The following GPHN variants were observed in gnomAD, a reference collection of about 807,000 sequenced individuals.
The protein encoded by GPHN is gephyrin.
A neutral mutation model predicts 95.5 loss-of-function variants in GPHN; 17 were observed. The observed-to-expected ratio is 0.18, with a 90% CI of 0.12 to 0.27. GPHN has a LOEUF of 0.27. GPHN is among the 10% of genes least tolerant of loss of function. The pLI is 1.00. For synonymous variants in GPHN, 320 were observed against 322.5 expected (o/e 0.99, Z 0.08); for missense variants, 660 against 978.1 (o/e 0.67, Z 4.34).
In GPHN at chr14:67,150,465, A is replaced by C. The variant is rs920767154; in HGVS notation, c.1836+7016A>C. On this transcript the variant is annotated intron_variant, in intron 18 of 22. Coordinates refer to ENST00000478722, the MANE Select transcript of GPHN (RefSeq NM_020806.5). ...CAAAAAAAAAAAACAAAAAAAAAAA[A>C]AAAAAAAACATTGTAAGGTTTTCAG... Among the ~76,000 whole-genome samples, 25 of 150,178 alleles carry C rather than the reference A, an allele frequency of 1.7e-4. 1 individual carries two copies. The highest frequency in any genetic ancestry group is 1.5e-3 in the Admixed American group (23 of 15,070).
chr14:66,653,600 C>T (rs2065160680), intron 1 of GPHN, among the ~76,000 whole-genome samples: 1 of 152,166 alleles, frequency 6.6e-6, no homozygotes, highest in Admixed American at 6.5e-5. Context: ...CCCCATCTCC[C>T]ACCTGAACTC....
At chr14:66,520,205 A>C (rs905261246) in intron 1 of GPHN, among the ~76,000 whole-genome samples, 3 of 152,100 alleles carry the variant, frequency 2.0e-5, no homozygotes, top group Admixed American at 2.0e-4. Flanking sequence ...CAAGTTTATA[A>C]GTTTTTTATA....
intron 3 of GPHN, among the ~76,000 whole-genome samples, chr14:66,796,475 G>T (rs2060161671): frequency 6.6e-6 from 1 of 152,114 alleles, no homozygotes; most frequent in East Asian, 1.9e-4. Flanking sequence ...CCCACCAGTA[G>T]TGTACAAGGG....
chr14:66,595,757 G>C (rs770509386), intron 1 of GPHN, among the ~76,000 whole-genome samples: 5 of 150,990 alleles, frequency 3.3e-5, no homozygotes, highest in Non-Finnish European at 7.3e-5. Context: ...GAGCTCTTAA[G>C]TCTGGGCTCC....
the GPHN span, among the ~76,000 whole-genome samples, chr14:67,709,404 T>C: frequency 6.6e-6 from 1 of 152,232 alleles, no homozygotes; most frequent in East Asian, 1.9e-4. Context: ...ATCTTGACCA[T>C]AAGATATAAC....
chr14:66,628,168 C>A (rs2063593187), intron 1 of GPHN, among the ~76,000 whole-genome samples: 1 of 151,940 alleles, frequency 6.6e-6, no homozygotes, highest in Non-Finnish European at 1.5e-5. Context: ...AAAGAAAATG[C>A]AAAGTTATGA....
Position 66,815,302 on chromosome 14 carries a change from C to T in GPHN, c.202-9172C>T, listed in dbSNP as rs188398439. Among the ~76,000 whole-genome samples, 3 of 152,258 alleles carry T rather than the reference C, an allele frequency of 2.0e-5. No individual in the cohort carries two copies. The East Asian group carries it at 5.8e-4, about 29-fold the overall frequency. On this transcript the variant is annotated intron_variant, in intron 3 of 22. Coordinates refer to ENST00000478722, the MANE Select transcript of GPHN (RefSeq NM_020806.5). ...AGCTAGAGAGGCCAACATTCAAATT[C>T]AGGAAATGCAGAGAACTCTAATAAG...
intron 1 of GPHN, among the ~76,000 whole-genome samples, chr14:66,660,176 T>C (rs2065558386): frequency 6.6e-6 from 1 of 152,094 alleles, no homozygotes; most frequent in South Asian, 2.1e-4. Flanking sequence ...AATTTATATC[T>C]CATTACCCTC....
chr14:67,682,628 T>G, the GPHN span, among the ~76,000 whole-genome samples: 1 of 152,230 alleles, frequency 6.6e-6, no homozygotes, highest in African/African-American at 2.4e-5. Context: ...GTGAAGAAAT[T>G]AGAATACTCA....
At chr14:67,558,447 A>G in the GPHN span, among the ~76,000 whole-genome samples, 1 of 152,190 alleles carries the variant, frequency 6.6e-6, no homozygotes, top group South Asian at 2.1e-4. Flanking sequence ...TGATGGAAGA[A>G]TAGAATTTTG....
At chr14:67,112,283 C>T (rs928276543) in intron 15 of GPHN, among the ~76,000 whole-genome samples, 3 of 152,214 alleles carry the variant, frequency 2.0e-5, no homozygotes, top group East Asian at 1.9e-4. Flanking sequence ...ACACAATTAA[C>T]TAATAGCATA....
chr14:67,602,143 A>G, the GPHN span, among the ~76,000 whole-genome samples: 12 of 152,186 alleles, frequency 7.9e-5, no homozygotes, highest in Admixed American at 1.3e-4. Context: ...AGGTTTATTG[A>G]CTCACAGTTC....
At chr14:67,066,527 C>A (rs1335812167) in intron 11 of GPHN, among the ~76,000 whole-genome samples, 1 of 152,178 alleles carries the variant, frequency 6.6e-6, no homozygotes, top group Non-Finnish European at 1.5e-5. Context: ...GAGTGTTTTT[C>A]AACCTGGTTC....
intron 8 of GPHN, among the ~76,000 whole-genome samples, chr14:66,926,380 A>G (rs2066482547): frequency 6.6e-6 from 1 of 152,172 alleles, no homozygotes; most frequent in African/African-American, 2.4e-5. Flanking sequence ...TTCAAGTCTT[A>G]GATTTAAGTA....
At chr14:67,623,252 A>G in the GPHN span, among the ~76,000 whole-genome samples, 2 of 152,208 alleles carry the variant, frequency 1.3e-5, no homozygotes, top group African/African-American at 4.8e-5. Flanking sequence ...ACCAAGAGAC[A>G]TTTCAGTTGC....
chr14:67,601,004 G>A, the GPHN span, among the ~76,000 whole-genome samples: 1 of 152,252 alleles, frequency 6.6e-6, no homozygotes, highest in Non-Finnish European at 1.5e-5. Context: ...AGTTTGAGGT[G>A]CTTGAGGATG....
chr14:67,625,203 C>G, the GPHN span, among the ~76,000 whole-genome samples: 2 of 151,458 alleles, frequency 1.3e-5, no homozygotes, highest in Admixed American at 1.3e-4. Context: ...AAAATTAACT[C>G]AAAATGGACC....
chr14:66,754,227 G>T (rs1316866498), intron 2 of GPHN, among the ~76,000 whole-genome samples: 1 of 151,982 alleles, frequency 6.6e-6, no homozygotes, highest in Non-Finnish European at 1.5e-5. Context: ...GTACTTAGTT[G>T]TAGTAGAATT....
At chr14:67,597,501 C>CA in the GPHN span, among the ~76,000 whole-genome samples, 22,124 of 139,846 alleles carry the variant, frequency 0.16, 1,913 homozygotes, top group East Asian at 0.31. Context: ...AAACCTGTCT[C>CA]AAAAAAAAAA....
Sources: allele counts gnomAD v4.1 joint callset (sites outside exome capture counted in the v4.1 genomes callset), GRCh38; gene constraint gnomAD v4.1.1; transcripts MANE v1.5; gene names NCBI Gene and HGNC (gene_info 2026-07-23, HGNC 2026-07-21).